Variants in GRID2 observed in about 807,000 individuals in gnomAD.
GRID2 encodes glutamate receptor ionotropic, delta-2.
A neutral mutation model predicts 114.8 loss-of-function variants in GRID2; 33 were observed. The ratio of observed to expected loss-of-function variants is 0.29; its 90% CI spans 0.22 to 0.38. The LOEUF is 0.38. GRID2 is among the 10% of genes least tolerant of loss of function. GRID2 has a pLI of 1.00. For missense variants in GRID2, 1,184 were observed against 1,257.7 expected, an observed-to-expected ratio of 0.94 and a Z score of 0.89; for synonymous variants, 505 against 449.9, an observed-to-expected ratio of 1.12 and a Z score of -1.55.
At chr4:93,157,091 A>C (rs1041566341) in intron 4 of GRID2, among the ~76,000 whole-genome samples, 7 of 151,826 alleles carry the variant, frequency 4.6e-5, no homozygotes, top group African/African-American at 1.7e-4. Flanking sequence ...CTTCTGTTAA[A>C]GTGAAATTTT....
At chr4:93,148,283 C>T (rs2149394021) in intron 4 of GRID2, among the ~76,000 whole-genome samples, 1 of 152,258 alleles carries the variant, frequency 6.6e-6, no homozygotes, top group Non-Finnish European at 1.5e-5. Context: ...AATAACACTA[C>T]TGCCAACTTC....
chr4:93,754,340 A>C (rs946959670), intron 14 of GRID2, among the ~76,000 whole-genome samples: 4 of 152,158 alleles, frequency 2.6e-5, no homozygotes, highest in Non-Finnish European at 5.9e-5. Context: ...TTCAAAATGC[A>C]TCAACTATTA....
At chr4:92,585,426 A>G (rs74545335) in intron 1 of GRID2, among the ~76,000 whole-genome samples, 4,185 of 151,902 alleles carry the variant, frequency 0.028, 197 homozygotes, top group African/African-American at 0.095. Flanking sequence ...AAGATCAGCT[A>G]TCTTTGATTT....
intron 8 of GRID2, among the ~76,000 whole-genome samples, chr4:93,242,459 T>G (rs1747648514): frequency 6.6e-6 from 1 of 152,010 alleles, no homozygotes; most frequent in South Asian, 2.1e-4. Context: ...GGGTTATTTT[T>G]GTTTTGTATT....
intron 2 of GRID2, among the ~76,000 whole-genome samples, chr4:93,011,995 C>A (rs1722222968): frequency 6.7e-6 from 1 of 148,954 alleles, no homozygotes; most frequent in Non-Finnish European, 1.5e-5. Flanking sequence ...AGACCTGAGC[C>A]ATAGGAATGA....
intron 2 of GRID2, among the ~76,000 whole-genome samples, chr4:92,956,699 G>A (rs1002763580): frequency 6.6e-5 from 10 of 152,040 alleles, no homozygotes; most frequent in Admixed American, 3.3e-4. Flanking sequence ...TGGATCCTAC[G>A]GTACGAGTAT....
intron 1 of GRID2, among the ~76,000 whole-genome samples, chr4:92,579,310 C>T (rs1185443538): frequency 6.6e-6 from 1 of 152,008 alleles, no homozygotes; most frequent in Non-Finnish European, 1.5e-5. Flanking sequence ...TCGCTTTTAA[C>T]ATGGCCCACA....
At chr4:93,119,300 C>G (rs1185427876) in intron 4 of GRID2, among the ~76,000 whole-genome samples, 1 of 151,996 alleles carries the variant, frequency 6.6e-6, no homozygotes, top group Non-Finnish European at 1.5e-5. Flanking sequence ...GCAGTGCTCA[C>G]TTGGTTTTAT....
At chr4:92,930,944 A>G (rs1245476907) in intron 2 of GRID2, among the ~76,000 whole-genome samples, 1 of 151,066 alleles carries the variant, frequency 6.6e-6, no homozygotes, top group Non-Finnish European at 1.5e-5. Flanking sequence ...GCATTTGGGG[A>G]AAAAACGAAA....
At chr4:92,867,661 T>C (rs1036979483) in intron 2 of GRID2, among the ~76,000 whole-genome samples, 1 of 152,074 alleles carries the variant, frequency 6.6e-6, no homozygotes, top group East Asian at 1.9e-4. Context: ...AAAATGGATT[T>C]TTAACACTTG....
intron 14 of GRID2, among the ~76,000 whole-genome samples, chr4:93,652,825 A>G (rs1578484232): frequency 9.7e-6 from 1 of 102,672 alleles, no homozygotes; most frequent in African/African-American, 3.0e-5. Context: ...AACTGGAACA[A>G]AAGAGACACC....
At chr4:92,536,773 A>C (rs1560696075) in intron 1 of GRID2, among the ~76,000 whole-genome samples, 1 of 152,170 alleles carries the variant, frequency 6.6e-6, no homozygotes, top group African/African-American at 2.4e-5. Context: ...TCTGAGAGAA[A>C]TGGATGGCAA....
rs1354333284 is a variant in GRID2, at chr4:92,935,778, C to T, written c.245-149217C>T. 9.6e-5 allele frequency among the ~76,000 whole-genome samples: 14 copies of T among 145,160 alleles called. 1 individual carries two copies. The highest frequency in any genetic ancestry group is 1.7e-4 in the African/African-American group (7 of 40,954). On this transcript the variant is annotated intron_variant, in intron 2 of 15. Transcript: ENST00000282020. ...GAAATTATCATTCTGAGTAAACTATCGCAAGGACAAAAAACCAAACACTGC... is the reference window on the plus strand; with the variant it reads ...GAAATTATCATTCTGAGTAAACTATTGCAAGGACAAAAAACCAAACACTGC...
intron 4 of GRID2, among the ~76,000 whole-genome samples, chr4:93,180,658 A>G (rs1053638535): frequency 6.6e-6 from 1 of 152,144 alleles, no homozygotes; most frequent in Admixed American, 6.6e-5. Context: ...AGTTGATGGA[A>G]TATTCTAAAT....
At chr4:92,478,916 TAC>T (rs1212577202) in intron 1 of GRID2, among the ~76,000 whole-genome samples, 1 of 152,148 alleles carries the variant, frequency 6.6e-6, no homozygotes, top group Non-Finnish European at 1.5e-5. Flanking sequence ...GGTAAAATGC[TAC>T]TCTTCAAGGC....
intron 8 of GRID2, among the ~76,000 whole-genome samples, chr4:93,393,477 A>G (rs954332602): frequency 6.6e-6 from 1 of 151,990 alleles, no homozygotes; most frequent in Non-Finnish European, 1.5e-5. Context: ...AAGAAATATT[A>G]TACATGGTAT....
At chr4:93,040,593 C>G (rs188703400) in intron 2 of GRID2, among the ~76,000 whole-genome samples, 1 of 151,996 alleles carries the variant, frequency 6.6e-6, no homozygotes, top group Non-Finnish European at 1.5e-5. Context: ...TTAATTCTGT[C>G]CTGGTTAACT....
At chr4:92,810,315 G>A (rs1387616753) in intron 2 of GRID2, among the ~76,000 whole-genome samples, 1 of 151,220 alleles carries the variant, frequency 6.6e-6, no homozygotes, top group Non-Finnish European at 1.5e-5. Context: ...TTTAACCACA[G>A]TTAGATATTT....
intron 3 of GRID2, among the ~76,000 whole-genome samples, chr4:93,092,690 C>A (rs896856051): frequency 6.6e-6 from 1 of 151,958 alleles, no homozygotes; most frequent in Non-Finnish European, 1.5e-5. Flanking sequence ...CCATGAGTAA[C>A]CCTGATGTAA....
Sources: gnomAD v4.1 joint callset for allele counts (sites outside exome capture counted in the v4.1 genomes callset) on GRCh38, gnomAD v4.1.1 for gene constraint, MANE v1.5 for transcripts, NCBI Gene and HGNC (gene_info 2026-07-23, HGNC 2026-07-21) for gene names.